Variants in NUDCD3 observed in about 807,000 individuals in gnomAD.
NUDCD3 encodes the protein NudC domain containing 3, also known as nudC domain-containing protein 3.
NUDCD3 carries 13 observed loss-of-function variants against 39.7 expected under a neutral mutation model. The ratio of observed to expected loss-of-function variants is 0.33; its 90% CI spans 0.21 to 0.52. The LOEUF (loss-of-function observed/expected upper bound fraction) is 0.52, where lower values mean the gene tolerates loss of function less well. NUDCD3 is among the 20% of genes least tolerant of loss of function. The pLI, the probability that NUDCD3 is intolerant of heterozygous loss-of-function variation, is 0.96. For synonymous variants in NUDCD3, 175 were observed against 172.4 expected, an observed-to-expected ratio of 1.02 and a Z score of -0.12; for missense variants, 453 against 458.1, an observed-to-expected ratio of 0.99 and a Z score of 0.10.
rs180969025 is a variant in NUDCD3, at chr7:44,476,822, T to C, written c.509+8146A>G. ...CCAGCCATAAAGGAATAACGTAAAA[T>C]GAAGTGCAAACTCCAAGGAGGCATG... On this transcript the variant is annotated intron_variant, in intron 2 of 5. Coordinates refer to ENST00000355451, the MANE Select transcript of NUDCD3 (RefSeq NM_015332.4). 3.7e-4 allele frequency among the ~76,000 whole-genome samples: 57 copies of C among 152,074 alleles called. 2 individuals are homozygous for C. In the South Asian group the frequency reaches 7.7e-3, roughly 20 times the overall value.
At chr7:44,443,739 G>T (rs1474828368) in intron 2 of NUDCD3, among the ~76,000 whole-genome samples, 1 of 152,166 alleles carries the variant, frequency 6.6e-6, no homozygotes, top group Non-Finnish European at 1.5e-5. Context: ...CTAAGAGCTG[G>T]ATGCTGTTTA....
In NUDCD3 at chr7:44,490,586, C is replaced by T; in HGVS notation, c.15G>A (p.Ala5=). Residue 5 remains alanine (A), a synonymous_variant, in exon 1 of 6, where the codon GCG becomes GCA. Transcript: ENST00000355451. METG[A]AELYDQALLG... ...AAAGGGCCTGGTCATACAGCTCGGC[C>T]GCCCCTGTCTCCATGTCGCCTCCCG... is the stretch of plus-strand genomic sequence containing the variant. 6.2e-7 allele frequency: 1 copy of T among 1,608,766 alleles called. No individual in the cohort carries two copies. Among genetic ancestry groups the T allele is most frequent in the Non-Finnish European group, 8.5e-7 (1 of 1,177,728 alleles).
At chr7:44,458,987 T>C (rs1799954799) in intron 2 of NUDCD3, among the ~76,000 whole-genome samples, 1 of 146,962 alleles carries the variant, frequency 6.8e-6, no homozygotes, top group South Asian at 2.2e-4. Context: ...TGTGGTGATG[T>C]GTATGCATAC....
At chr7:44,468,402 G>C in intron 2 of NUDCD3, 7 of 959,702 alleles carry the variant, frequency 7.3e-6, no homozygotes, top group Non-Finnish European at 1.1e-5. Flanking sequence ...GGAGACGAAA[G>C]AATTTGTTTG....
chr7:44,450,796 A>T (rs76935542), intron 2 of NUDCD3, among the ~76,000 whole-genome samples: 11,635 of 152,234 alleles, frequency 0.076, 613 homozygotes, highest in Non-Finnish European at 0.12. Context: ...ACCCAGAGAA[A>T]TGAAGTGTCC....
intron 3 of NUDCD3, among the ~76,000 whole-genome samples, chr7:44,418,257 G>T (rs1035714467): frequency 1.8e-4 from 28 of 152,170 alleles, no homozygotes; most frequent in Non-Finnish European, 2.2e-4. Flanking sequence ...TCACCATGTG[G>T]GATGCAAGGT....
chr7:44,451,415 G>A (rs1368614793), intron 2 of NUDCD3, among the ~76,000 whole-genome samples: 1 of 152,180 alleles, frequency 6.6e-6, no homozygotes, highest in African/African-American at 2.4e-5. Flanking sequence ...CAATGGCGAT[G>A]ATGGTTGCAT....
chr7:44,456,387 G>A (rs904384168), intron 2 of NUDCD3, among the ~76,000 whole-genome samples: 1 of 152,156 alleles, frequency 6.6e-6, no homozygotes, highest in Non-Finnish European at 1.5e-5. Flanking sequence ...TAAAGGCCGA[G>A]CAAGTACCAG....
intron 2 of NUDCD3, among the ~76,000 whole-genome samples, chr7:44,441,477 C>T (rs1169167875): frequency 1.3e-5 from 2 of 152,136 alleles, no homozygotes; most frequent in Non-Finnish European, 2.9e-5. Context: ...AACAATAGCA[C>T]CAATTTATTC....
chr7:44,449,100 G>T (rs535354954), intron 2 of NUDCD3, among the ~76,000 whole-genome samples: 1 of 152,184 alleles, frequency 6.6e-6, no homozygotes, highest in African/African-American at 2.4e-5. Flanking sequence ...TCAGGCTCTG[G>T]GAATGGATGA....
At chr7:44,448,191 G>T (rs779242308) in intron 2 of NUDCD3, among the ~76,000 whole-genome samples, 1 of 152,150 alleles carries the variant, frequency 6.6e-6, no homozygotes, top group Non-Finnish European at 1.5e-5. Context: ...CATTTCCTTT[G>T]CTGCACGGCT....
intron 4 of NUDCD3, among the ~76,000 whole-genome samples, chr7:44,392,931 T>C (rs1342904080): frequency 6.6e-6 from 1 of 152,100 alleles, no homozygotes; most frequent in African/African-American, 2.4e-5. Context: ...TTAGCTCTTA[T>C]CAACCAACTA....
At chr7:44,439,704 T>C (rs1023502893) in intron 2 of NUDCD3, among the ~76,000 whole-genome samples, 2 of 150,802 alleles carry the variant, frequency 1.3e-5, no homozygotes, top group African/African-American at 4.9e-5. Flanking sequence ...AAATAAATAA[T>C]ACAGTAGCAA....
chr7:44,408,781 CA>C (rs1282601358), intron 3 of NUDCD3, among the ~76,000 whole-genome samples: 1 of 152,188 alleles, frequency 6.6e-6, no homozygotes, highest in Non-Finnish European at 1.5e-5. Flanking sequence ...GACCCATCCC[CA>C]CTCTCCAGGC....
chr7:44,392,425 T>C lies in NUDCD3; in HGVS notation c.847A>G (p.Ile283Val), dbSNP rs1377763783. The change falls in exon 5 of 6, where the codon ATC (isoleucine) becomes GTC (valine). Residue 283 changes from isoleucine (I) to valine (V), a missense_variant. Physicochemically the swap from Ile to Val is conservative, Grantham distance 29. Coordinates refer to ENST00000355451, the MANE Select transcript of NUDCD3 (RefSeq NM_015332.4). ...WNAILEGEEP[I>V]DIDKINKERS... ...TCCTTGTTGATCTTGTCAATGTCGA[T>C]GGGCTCTTCTCCCTCCAGGATGGCG... The C allele has an allele frequency of 1.2e-6, 2 of 1,614,052 alleles. No homozygotes were observed. The highest frequency in any genetic ancestry group is 1.7e-6 in the Non-Finnish European group (2 of 1,180,034).
chr7:44,443,066 A>G (rs1799621708), intron 2 of NUDCD3, among the ~76,000 whole-genome samples: 1 of 152,166 alleles, frequency 6.6e-6, no homozygotes, highest in Non-Finnish European at 1.5e-5. Flanking sequence ...GTATTCACAC[A>G]GAAAGCAGGC....
intron 3 of NUDCD3, chr7:44,413,331 G>A (rs995085437): frequency 6.6e-6 from 1 of 152,090 alleles, no homozygotes; most frequent in African/African-American, 2.4e-5. Flanking sequence ...GTTCGTGCCT[G>A]TGGTCTCAGC....
intron 3 of NUDCD3, among the ~76,000 whole-genome samples, chr7:44,413,922 G>A (rs972067122): frequency 6.6e-6 from 1 of 152,002 alleles, no homozygotes; most frequent in African/African-American, 2.4e-5. Context: ...GGGCATGGTG[G>A]TGCACGCTTG....
At chr7:44,440,745 A>G (rs1214518395) in intron 2 of NUDCD3, among the ~76,000 whole-genome samples, 1 of 152,104 alleles carries the variant, frequency 6.6e-6, no homozygotes, top group African/African-American at 2.4e-5. Flanking sequence ...AAATTCCTCT[A>G]TCTCATTAAA....
Sources: allele counts gnomAD v4.1 joint callset (sites outside exome capture counted in the v4.1 genomes callset), GRCh38; gene constraint gnomAD v4.1.1; transcripts MANE v1.5; gene names NCBI Gene and HGNC (gene_info 2026-07-23, HGNC 2026-07-21).